The following NSG2 variants were observed in gnomAD, a reference collection of about 807,000 sequenced individuals.
The protein encoded by NSG2 is neuronal vesicle trafficking associated 2.
A neutral mutation model predicts 16.9 loss-of-function variants in NSG2; 4 were observed. The observed-to-expected ratio is 0.24, with a 90% CI of 0.12 to 0.54. The LOEUF is 0.54. NSG2 is among the 20% of genes least tolerant of loss of function. The pLI is 0.95. For missense variants in NSG2, 179 were observed against 221.1 expected (o/e 0.81, Z 1.21); for synonymous variants, 98 against 88.7 (o/e 1.11, Z -0.59).
At chr5:174,084,644 C>T (rs1760566147) in intron 3 of NSG2, among the ~76,000 whole-genome samples, 1 of 152,230 alleles carries the variant, frequency 6.6e-6, no homozygotes. Flanking sequence ...TGTGGTTTGT[C>T]CATAGCCCCT....
intron 2 of NSG2, among the ~76,000 whole-genome samples, chr5:174,049,115 G>C (rs565870269): frequency 2.6e-5 from 4 of 152,238 alleles, no homozygotes; most frequent in African/African-American, 9.6e-5. Flanking sequence ...TGAGGCGGGC[G>C]GATCACAAGG....
intron 2 of NSG2, among the ~76,000 whole-genome samples, chr5:174,048,684 G>C (rs909034401): frequency 2.0e-5 from 3 of 152,176 alleles, no homozygotes; most frequent in Non-Finnish European, 4.4e-5. Context: ...AGGTCATCTA[G>C]AGATTATCAT....
intron 3 of NSG2, among the ~76,000 whole-genome samples, chr5:174,068,275 A>T (rs1305383128): frequency 6.6e-6 from 1 of 152,192 alleles, no homozygotes. Flanking sequence ...GTGGGGAGAG[A>T]TGAATAGAGA....
At chr5:174,088,187 G>A (rs1472130515) in intron 3 of NSG2, among the ~76,000 whole-genome samples, 3 of 152,250 alleles carry the variant, frequency 2.0e-5, no homozygotes, top group Middle Eastern at 3.4e-3. Flanking sequence ...TCCACCTTTC[G>A]GCGTTTTGGG....
At position 174,072,091 on chromosome 5, in the gene NSG2, C is replaced by T. The variant is rs964825407; in HGVS notation, c.213+7776C>T. Reference sequence around the variant, plus strand: ...TGCACCTAGCAGCCATAGAGCCAGGCCCCTCTCCCTCTGGAAGTCTCTAGT... The same window carrying T: ...TGCACCTAGCAGCCATAGAGCCAGGTCCCTCTCCCTCTGGAAGTCTCTAGT... On this transcript the variant is annotated intron_variant, in intron 3 of 4. Coordinates refer to ENST00000303177, the MANE Select transcript of NSG2 (RefSeq NM_015980.5). The surrounding 1 kb of genome is among the most constrained non-coding windows in gnomAD (Gnocchi z 4.0). Among the ~76,000 whole-genome samples, 1 of 152,154 alleles carries T rather than the reference C, an allele frequency of 6.6e-6. No individual in the cohort carries two copies. The highest frequency in any genetic ancestry group is 6.5e-5 in the Admixed American group (1 of 15,288).
intron 2 of NSG2, among the ~76,000 whole-genome samples, chr5:174,055,013 G>A (rs1265132860): frequency 6.6e-6 from 1 of 152,182 alleles, no homozygotes; most frequent in East Asian, 1.9e-4. Flanking sequence ...TTAATGCAAC[G>A]GAGTAATTAT....
At chr5:174,066,989 CAAAAAAAAAAAAAAAA>C (rs543368373) in intron 3 of NSG2, among the ~76,000 whole-genome samples, 4 of 27,946 alleles carry the variant, frequency 1.4e-4, no homozygotes, top group Non-Finnish European at 2.6e-4. Flanking sequence ...GACTCTGTCT[CAAAAAAAAAAAAAAAA>C]AAAAAAAAAA....
intron 1 of NSG2, among the ~76,000 whole-genome samples, chr5:174,046,477 A>G (rs1260717552): frequency 6.6e-6 from 1 of 152,142 alleles, no homozygotes; most frequent in East Asian, 1.9e-4. Flanking sequence ...TTGTGTGTAT[A>G]GGTTTAGGAT....
intron 3 of NSG2, among the ~76,000 whole-genome samples, chr5:174,071,092 C>T (rs2113443691): frequency 6.6e-6 from 1 of 152,342 alleles, no homozygotes; most frequent in Non-Finnish European, 1.5e-5. Flanking sequence ...AGAGCACATC[C>T]AGTGGGGAGA....
chr5:174,052,159 G>A (rs1450271884), intron 2 of NSG2, among the ~76,000 whole-genome samples: 2 of 152,182 alleles, frequency 1.3e-5, no homozygotes, highest in African/African-American at 4.8e-5. Flanking sequence ...CGCAGCACCA[G>A]ATTAGTGTCC....
intron 3 of NSG2, among the ~76,000 whole-genome samples, chr5:174,073,563 T>C (rs571346268): frequency 1.2e-3 from 188 of 152,348 alleles, no homozygotes; most frequent in Admixed American, 2.3e-3. Flanking sequence ...CCTATGTTTT[T>C]GTCCAGGTGC....
intron 2 of NSG2, among the ~76,000 whole-genome samples, chr5:174,047,405 T>A (rs2113413903): frequency 6.6e-6 from 1 of 152,356 alleles, no homozygotes; most frequent in South Asian, 2.1e-4. Context: ...TTACAAAGAT[T>A]GTGAGGGTGC....
At chr5:174,100,668 G>A (rs535388579) in intron 3 of NSG2, among the ~76,000 whole-genome samples, 3 of 152,240 alleles carry the variant, frequency 2.0e-5, no homozygotes, top group East Asian at 1.9e-4. Flanking sequence ...CTCTGTGCTC[G>A]TGCTCTCTAG....
At chr5:174,100,398 A>C (rs1439936442) in intron 3 of NSG2, among the ~76,000 whole-genome samples, 1 of 152,242 alleles carries the variant, frequency 6.6e-6, no homozygotes, top group East Asian at 1.9e-4. Flanking sequence ...AGGGGATTCT[A>C]ACATGTGCAG....
intron 3 of NSG2, among the ~76,000 whole-genome samples, chr5:174,102,238 C>T (rs1429161021): frequency 6.6e-6 from 1 of 152,142 alleles, no homozygotes; most frequent in Non-Finnish European, 1.5e-5. Context: ...TTTCAAATTC[C>T]TCCCGTCCAG....
At chr5:174,057,424 A>AG (rs1759982612) in intron 2 of NSG2, among the ~76,000 whole-genome samples, 1 of 152,220 alleles carries the variant, frequency 6.6e-6, no homozygotes. Flanking sequence ...ACTAAAAAAA[A>AG]GGAACTGTGA....
At chr5:174,049,428 T>C (rs1445713922) in intron 2 of NSG2, among the ~76,000 whole-genome samples, 1 of 147,276 alleles carries the variant, frequency 6.8e-6, no homozygotes, top group Non-Finnish European at 1.5e-5. Context: ...TTCTAAGCTA[T>C]ATGTGCACGC....
At chr5:174,083,467 G>C (rs1254654736) in intron 3 of NSG2, among the ~76,000 whole-genome samples, 1 of 152,184 alleles carries the variant, frequency 6.6e-6, no homozygotes, top group Non-Finnish European at 1.5e-5. Flanking sequence ...ATATCCCAGG[G>C]CACAGCACTA....
At chr5:174,068,774 A>G (rs376825414) in intron 3 of NSG2, among the ~76,000 whole-genome samples, 36 of 87,346 alleles carry the variant, frequency 4.1e-4, no homozygotes, top group Non-Finnish European at 6.6e-4. Flanking sequence ...TGCTGGTGTC[A>G]TGGGAATCCT....
Sources: allele counts gnomAD v4.1 joint callset (sites outside exome capture counted in the v4.1 genomes callset), GRCh38; gene constraint gnomAD v4.1.1; non-coding constraint Gnocchi (gnomAD v3.1); transcripts MANE v1.5; gene names NCBI Gene and HGNC (gene_info 2026-07-23, HGNC 2026-07-21).